The following CPT1A variants were observed in gnomAD, a reference collection of about 807,000 sequenced individuals.
CPT1A encodes carnitine palmitoyltransferase 1A.
In CPT1A, 64 loss-of-function variants were observed where a neutral mutation model predicts 100.8. That is an observed-to-expected ratio of 0.63 (90% CI 0.52 to 0.78). The LOEUF is 0.78. Ranked by LOEUF, CPT1A falls within the 30% of genes least tolerant of loss-of-function variation. CPT1A has a pLI of 0.00. For missense variants in CPT1A, 802 were observed against 1,034.1 expected (o/e 0.78, Z 3.08); for synonymous variants, 363 against 396.0 (o/e 0.92, Z 0.99).
At chr11:68,840,285 G>T (rs1857126847) in intron 1 of CPT1A, among the ~76,000 whole-genome samples, 1 of 152,160 alleles carries the variant, frequency 6.6e-6, no homozygotes, top group Admixed American at 6.6e-5. Context: ...AAAGAATTTG[G>T]AAAGGCCCGG....
intron 10 of CPT1A, among the ~76,000 whole-genome samples, chr11:68,782,711 G>A (rs1594335668): frequency 6.6e-6 from 1 of 152,134 alleles, no homozygotes; most frequent in African/African-American, 2.4e-5. Context: ...TTCCAGATCG[G>A]GGCCATCTGG....
At chr11:68,832,840 G>A (rs1222931122) in intron 1 of CPT1A, among the ~76,000 whole-genome samples, 1 of 152,230 alleles carries the variant, frequency 6.6e-6, no homozygotes, top group African/African-American at 2.4e-5. Context: ...CATGGGAAGC[G>A]ACAGCTTAGC....
chr11:68,800,062 G>T (rs911497238), intron 5 of CPT1A, among the ~76,000 whole-genome samples: 1 of 152,030 alleles, frequency 6.6e-6, no homozygotes, highest in East Asian at 1.9e-4. Context: ...AGTAAGTTTT[G>T]ATGACCTGCG....
intron 1 of CPT1A, among the ~76,000 whole-genome samples, chr11:68,835,621 C>T (rs572906993): frequency 6.6e-6 from 1 of 151,278 alleles, no homozygotes; most frequent in Non-Finnish European, 1.5e-5. Flanking sequence ...CATGGAATGA[C>T]AGGTTCAGAC....
In CPT1A at chr11:68,822,596, A is replaced by G. The variant is rs533214575; in HGVS notation, c.-13-7109T>C. The stretch of plus-strand genomic sequence containing the variant: ...TACGACCCAGCAATTCCATTTCTAC[A>G]TATATACCCAAGAGAACTGAAAACA... On this transcript the variant is annotated intron_variant, in intron 1 of 18. Transcript: ENST00000265641. Among the ~76,000 whole-genome samples, 5 of 152,264 alleles carry G rather than the reference A, an allele frequency of 3.3e-5. No homozygotes were observed. The South Asian group carries it at 1.0e-3, about 32-fold the overall frequency.
intron 14 of CPT1A, among the ~76,000 whole-genome samples, chr11:68,772,854 C>G (rs750612872): frequency 6.6e-6 from 1 of 152,054 alleles, no homozygotes; most frequent in Non-Finnish European, 1.5e-5. Flanking sequence ...CCATGTTCAC[C>G]TGACCTGTGT....
Position 68,755,636 on chromosome 11 carries a change from C to G in CPT1A, c.*2008G>C, listed in dbSNP as rs1946677690. On this transcript the variant is annotated 3_prime_UTR_variant, in exon 19 of 19. Coordinates refer to ENST00000265641, the MANE Select transcript of CPT1A (RefSeq NM_001876.4). ...GTGTTAGCCAGGATGGTCTCCATCT[C>G]CTGACCTCGTGATCCGCCCGCCTTG... 1 of 150,044 alleles carries G rather than the reference C, an allele frequency of 6.7e-6. No homozygotes were observed. The allele number at this position is 150,044 out of a possible 1,614,324, so 9.3% of individuals were successfully genotyped here.
Position 68,762,808 on chromosome 11 carries a change from G to A in CPT1A, c.1741-47C>T, listed in dbSNP as rs1202259969. On this transcript the variant is annotated intron_variant, in intron 14 of 18. Coordinates refer to ENST00000265641, the MANE Select transcript of CPT1A (RefSeq NM_001876.4). ...AGTGCACGGCAGGGCATGCTGATAT[G>A]TCTAAAACGTAAGGAAGGATTGGGT... 1.9e-6 allele frequency: 3 copies of A among 1,611,160 alleles called. No individual in the cohort carries two copies. In the East Asian group the frequency reaches 6.7e-5, roughly 36 times the overall value.
chr11:68,758,071 C>T (rs149402055), intron 18 of CPT1A, among the ~76,000 whole-genome samples: 2,506 of 152,178 alleles, frequency 0.016, 37 homozygotes, highest in Non-Finnish European at 0.022. Flanking sequence ...AGTTCAAGAC[C>T]AGCCTGGGAA....
intron 1 of CPT1A, among the ~76,000 whole-genome samples, chr11:68,834,735 T>C (rs1856966850): frequency 6.6e-6 from 1 of 151,994 alleles, no homozygotes; most frequent in Admixed American, 6.6e-5. Context: ...AGCGAGACCC[T>C]GTCTTACCAA....
rs141042343 is a variant in CPT1A at position 68,807,811 on chromosome 11, C to T, written c.282-173G>A. ...AGGAACTGAGCTCTTAAAACACTCA[C>T]GGGCACTCTCCTCCTCACCCCAAAA... is the stretch of plus-strand genomic sequence containing the variant. On this transcript the variant is annotated intron_variant, in intron 3 of 18. Transcript: ENST00000265641. Among the ~76,000 whole-genome samples, 46 of 152,338 alleles carry T rather than the reference C, an allele frequency of 3.0e-4. No individual in the cohort carries two copies. The East Asian group carries it at 5.4e-3, about 18-fold the overall frequency.
chr11:68,785,756 T>C (rs1353632134), intron 9 of CPT1A: 1 of 503,346 alleles, frequency 2.0e-6, no homozygotes, highest in Non-Finnish European at 3.5e-6. Flanking sequence ...GTATAGTAAC[T>C]TTTTATTAAT....
intron 13 of CPT1A, 192 bp from the exon 14 acceptor site, chr11:68,773,621 ATGTTATAGCAGGTAGCGGGTC>A (rs1364595351): frequency 1.1e-6 from 1 of 939,208 alleles, no homozygotes; most frequent in Non-Finnish European, 1.6e-6. Flanking sequence ...AGCAGCTGCA[ATGTTATAGCAGGTAGCGGGTC>A]TGACATGAGC....
At chr11:68,773,612 G>C in intron 13 of CPT1A, 183 bp from the exon 14 acceptor site, 5 of 1,069,446 alleles carry the variant, frequency 4.7e-6, no homozygotes, top group Non-Finnish European at 6.6e-6. Flanking sequence ...CCCCGGAGGA[G>C]CAGCTGCAAT....
Position 68,784,831 on chromosome 11 carries a change from G to A in CPT1A, c.1147C>T (p.Leu383Phe), listed in dbSNP as rs368469679. The part of the protein sequence containing the change: ...PQPGEARLAA[L>F]TAGDRVPWAR... Reference sequence around the variant, plus strand: ...GCTGCGCACCTGTCTCCTGCGGTGAGGGCTGCCAGCCTGGCCTCCCCGGGC... The same window carrying A: ...GCTGCGCACCTGTCTCCTGCGGTGAAGGCTGCCAGCCTGGCCTCCCCGGGC... The change falls in exon 10 of 19, where the codon CTC (leucine) becomes TTC (phenylalanine). Residue 383 changes from leucine (L) to phenylalanine (F), a missense_variant. By Grantham distance (22) the Leu-to-Phe change is conservative (BLOSUM62 0). This residue lies in a region of CPT1A where 627 missense variants were observed against 799.3 expected (regional missense o/e 0.78). Transcript: ENST00000265641. 2.5e-6 allele frequency: 4 copies of A among 1,610,566 alleles called. No individual in the cohort carries two copies. Among genetic ancestry groups the A allele is most frequent in the Non-Finnish European group, 3.4e-6 (4 of 1,179,958 alleles).
chr11:68,790,234 C>T (rs1317457645), intron 9 of CPT1A, among the ~76,000 whole-genome samples: 1 of 151,984 alleles, frequency 6.6e-6, no homozygotes, highest in Non-Finnish European at 1.5e-5. Flanking sequence ...CTATGTCCGA[C>T]TAATTTTTGT....
chr11:68,792,823 C>T (rs1219216632), intron 9 of CPT1A, among the ~76,000 whole-genome samples: 3 of 152,164 alleles, frequency 2.0e-5, no homozygotes, highest in Non-Finnish European at 4.4e-5. Context: ...CCGAAGCGGG[C>T]GGATCACTTG....
chr11:68,758,662 A>T, intron 18 of CPT1A, among the ~76,000 whole-genome samples: 1 of 141,608 alleles, frequency 7.1e-6, no homozygotes. Context: ...TCCATCACCC[A>T]GGCTGGAGTG....
At chr11:68,817,115 G>A (rs1169158351) in intron 1 of CPT1A, among the ~76,000 whole-genome samples, 2 of 142,168 alleles carry the variant, frequency 1.4e-5, no homozygotes, top group Non-Finnish European at 3.1e-5. Flanking sequence ...GTGTGTGTGG[G>A]TGTGTGGTGA....
Sources: gnomAD v4.1 joint callset for allele counts (sites outside exome capture counted in the v4.1 genomes callset) on GRCh38, gnomAD v4.1.1 for gene constraint, gnomAD v4.1.1 regional missense constraint, MANE v1.5 for transcripts, NCBI Gene and HGNC (gene_info 2026-07-23, HGNC 2026-07-21) for gene names.